Variants in POLK observed in about 807,000 individuals in gnomAD.
The protein encoded by POLK is DNA polymerase kappa, also known as polymerase (DNA directed) kappa.
Under a neutral mutation model 94.0 loss-of-function variants are expected in POLK, and 76 were observed. That is an observed-to-expected ratio of 0.81 (90% confidence interval 0.67 to 0.98). The LOEUF is 0.98. Among genes scored for constraint, POLK ranks in the 50% least tolerant of loss-of-function variants. The pLI is 0.00. For synonymous variants in POLK, 349 were observed against 325.4 expected, an observed-to-expected ratio of 1.07 and a Z score of -0.78; for missense variants, 954 against 1,010.1, an observed-to-expected ratio of 0.94 and a Z score of 0.75.
intron 1 of POLK, among the ~76,000 whole-genome samples, chr5:75,520,014 C>T (rs1274870226): frequency 1.3e-5 from 2 of 151,996 alleles, no homozygotes; most frequent in Non-Finnish European, 2.9e-5. Flanking sequence ...TAATTAATTG[C>T]TGTTTATTTT....
chr5:75,545,365 C>A (rs1446683267), intron 1 of POLK, among the ~76,000 whole-genome samples: 1 of 152,150 alleles, frequency 6.6e-6, no homozygotes, highest in Non-Finnish European at 1.5e-5. Context: ...CATACATGAT[C>A]CCCAAATTGG....
chr5:75,557,241 T>TTA lies in POLK; in HGVS notation c.255+4650_255+4651insTA, dbSNP rs770490731. 2.0e-5 allele frequency among the ~76,000 whole-genome samples: 3 copies of TTA among 152,344 alleles called. No individual in the cohort carries two copies. In the East Asian group the frequency reaches 5.8e-4, roughly 29 times the overall value. On this transcript the variant is annotated intron_variant, in intron 3 of 14. Transcript: ENST00000241436. ...TCTCTTAATTACTGTAACTTTATAGTAAGTCTTGAAGTCAAGTAGTTTCAG... is the reference window on the plus strand; with the variant it reads ...TCTCTTAATTACTGTAACTTTATAGTTAAAGTCTTGAAGTCAAGTAGTTTCAG...
intron 3 of POLK, among the ~76,000 whole-genome samples, chr5:75,565,683 C>G (rs1771228439): frequency 6.6e-6 from 1 of 152,210 alleles, no homozygotes; most frequent in Non-Finnish European, 1.5e-5. Context: ...ACTCCAGACC[C>G]TGTTTGCCTG....
chr5:75,529,585 A>G (rs926242534), intron 1 of POLK, among the ~76,000 whole-genome samples: 1 of 152,300 alleles, frequency 6.6e-6, no homozygotes, highest in East Asian at 1.9e-4. Context: ...TTGTTATACT[A>G]TTGTTTAGAG....
chr5:75,569,638 C>T, intron 4 of POLK, 146 bp downstream of exon 4: 1 of 660,378 alleles, frequency 1.5e-6, no homozygotes, highest in Non-Finnish European at 2.5e-6. Context: ...ATTACTGAAT[C>T]CTTTCAACAT....
At chr5:75,600,428 A>G (rs998790268) in exon 15 of POLK, 3 of 152,204 alleles carry the variant, frequency 2.0e-5, no homozygotes, top group African/African-American at 7.2e-5. Flanking sequence ...AAACCTAGCA[A>G]TTGCACTCTG....
At chr5:75,514,471 A>G (rs967613383) in intron 1 of POLK, among the ~76,000 whole-genome samples, 3 of 152,232 alleles carry the variant, frequency 2.0e-5, no homozygotes, top group Admixed American at 2.0e-4. Context: ...GTAAGTAGCA[A>G]TTATCATTTG....
At chr5:75,530,396 CTTTTTTT>C (rs201266079) in intron 1 of POLK, among the ~76,000 whole-genome samples, 165 of 61,574 alleles carry the variant, frequency 2.7e-3, no homozygotes, top group African/African-American at 9.3e-3. Context: ...TTCCCTTTTT[CTTTTTTT>C]TTTTTTTTTT....
intron 1 of POLK, chr5:75,512,526 T>C (rs1768094635): frequency 6.6e-6 from 1 of 152,206 alleles, no homozygotes; most frequent in African/African-American, 2.4e-5. Context: ...AACTTTCTCG[T>C]ATTAGAAATA....
At chr5:75,563,508 G>A (rs138258999) in intron 3 of POLK, among the ~76,000 whole-genome samples, 1,871 of 152,032 alleles carry the variant, frequency 0.012, 43 homozygotes, top group African/African-American at 0.043. Context: ...ATTTTAGATC[G>A]TTCCTGCTTT....
At chr5:75,571,416 G>A (rs895789326) in intron 4 of POLK, among the ~76,000 whole-genome samples, 2 of 152,130 alleles carry the variant, frequency 1.3e-5, no homozygotes, top group African/African-American at 2.4e-5. Context: ...GCCTCCCCCA[G>A]TATTTAGTGG....
chr5:75,591,005 A>T (rs915514045), intron 11 of POLK, among the ~76,000 whole-genome samples: 1 of 152,198 alleles, frequency 6.6e-6, no homozygotes, highest in Non-Finnish European at 1.5e-5. Flanking sequence ...AGGTAGAGTC[A>T]GTACAAAGCG....
At chr5:75,567,989 G>A (rs1771370138) in intron 3 of POLK, among the ~76,000 whole-genome samples, 1 of 152,158 alleles carries the variant, frequency 6.6e-6, no homozygotes, top group African/African-American at 2.4e-5. Flanking sequence ...GGCAGCTAGT[G>A]TCACAGTAAG....
Position 75,547,161 on chromosome 5 carries a change from T to C in POLK, c.135+4T>C. The stretch of plus-strand genomic sequence containing the variant: ...AATTATAATGGAAGCCACGAAGGTA[T>C]GTTTCTTGTTTCTTTTGATGTGTGT... On this transcript the variant is annotated splice_donor_region_variant and intron_variant, in intron 2 of 14. Coordinates refer to ENST00000241436, the Ensembl canonical transcript of POLK. 1.3e-6 allele frequency: 2 copies of C among 1,504,958 alleles called. No homozygotes were observed. The highest frequency in any genetic ancestry group is 9.0e-7 in the Non-Finnish European group (1 of 1,107,890). The allele number at this position is 1,504,958 out of a possible 1,614,324, so 93.2% of individuals were successfully genotyped here. A position where few individuals can be genotyped will look rare whatever the true frequency, so the allele number is the denominator to read the frequency against.
intron 3 of POLK, among the ~76,000 whole-genome samples, chr5:75,555,825 A>C (rs1288734708): frequency 6.6e-6 from 1 of 152,242 alleles, no homozygotes; most frequent in Non-Finnish European, 1.5e-5. Flanking sequence ...CTGGGATTAC[A>C]GGCGTGAGCC....
At chr5:75,596,451 A>G in exon 13 of POLK, 1 of 1,613,826 alleles carries the variant, frequency 6.2e-7, no homozygotes, top group Non-Finnish European at 8.5e-7. Flanking sequence ...TTAAATGTGA[A>G]GCCGTGAATA....
rs748352357 is a variant in POLK at position 75,596,979 on chromosome 5, A to G, written c.2286A>G (p.Glu762=). 3.9e-5 allele frequency: 63 copies of G among 1,613,842 alleles called. 1 individual carries two copies. The South Asian group carries it at 4.9e-4, about 13-fold the overall frequency. Residue 762 remains glutamate (E), a synonymous_variant, in exon 13 of 15, where the codon GAA becomes GAG. Transcript: ENST00000241436. ...AAGATGTTGGATCATTTAGACAAGA[A>G]TACCGCCAGCCTTACTTATGTGAAG...
chr5:75,602,308 C>G (rs187774212), downstream of POLK, among the ~76,000 whole-genome samples: 1 of 152,162 alleles, frequency 6.6e-6, no homozygotes, highest in Non-Finnish European at 1.5e-5. Flanking sequence ...AACAGACATT[C>G]GCCATGATTC....
intron 9 of POLK, 42 bp downstream of exon 9, chr5:75,584,968 G>T: frequency 6.9e-6 from 9 of 1,298,538 alleles, no homozygotes; most frequent in Non-Finnish European, 9.8e-6. Context: ...TTCAGCATTT[G>T]CTGCAATATC....
Sources: allele counts gnomAD v4.1 joint callset (sites outside exome capture counted in the v4.1 genomes callset), GRCh38; gene constraint gnomAD v4.1.1; transcripts MANE v1.5; gene names NCBI Gene and HGNC (gene_info 2026-07-23, HGNC 2026-07-21).